CD46: variants seen among roughly 807,000 people sequenced by gnomAD.
CD46 encodes CD46 molecule.
CD46 carries 30 observed loss-of-function variants against 53.3 expected under a neutral mutation model. That is an observed-to-expected ratio of 0.56 (90% CI 0.42 to 0.76). The LOEUF (loss-of-function observed/expected upper bound fraction) is 0.76, where lower values mean the gene tolerates loss of function less well. Among genes scored for constraint, CD46 ranks in the 30% least tolerant of loss-of-function variants. The probability of loss-of-function intolerance (pLI) is 0.00; values close to 1 mark genes in which losing one functional copy is unlikely to be tolerated. For synonymous variants in CD46, 142 were observed against 152.0 expected, an observed-to-expected ratio of 0.93 and a Z score of 0.48; for missense variants, 409 against 463.0, an observed-to-expected ratio of 0.88 and a Z score of 1.07.
chr1:207,789,861 CTG>C (rs1329745334), intron 11 of CD46, among the ~76,000 whole-genome samples: 2 of 99,668 alleles, frequency 2.0e-5, no homozygotes, highest in Non-Finnish European at 3.6e-5. Flanking sequence ...TAGTGAGATG[CTG>C]TGTCTTGAAA....
At chr1:207,784,886 C>T (rs1659128410) in intron 9 of CD46, among the ~76,000 whole-genome samples, 185 bp from the exon 10 acceptor site, 1 of 152,154 alleles carries the variant, frequency 6.6e-6, no homozygotes, top group African/African-American at 2.4e-5. Context: ...GAAACTGCCT[C>T]CATGATTCAA....
intron 3 of CD46, 119 bp from the exon 4 acceptor site, chr1:207,759,520 G>T: frequency 1.5e-6 from 1 of 647,462 alleles, no homozygotes; most frequent in Non-Finnish European, 2.8e-6. Context: ...TGTTGTTTAA[G>T]AAACCACCCC....
chr1:207,791,446 G>A (rs1003818953), intron 12 of CD46, among the ~76,000 whole-genome samples: 11 of 152,186 alleles, frequency 7.2e-5, no homozygotes, highest in Admixed American at 2.6e-4. Context: ...CTGTGATACC[G>A]TGACAGTCAA....
chr1:207,792,198 C>G (rs1342330315), intron 12 of CD46, among the ~76,000 whole-genome samples: 2 of 152,014 alleles, frequency 1.3e-5, no homozygotes, highest in East Asian at 3.8e-4. Context: ...ATTGCTTGAA[C>G]CTGGGAGGAG....
chr1:207,785,650 G>T lies in CD46; in HGVS notation c.1050G>T (p.Pro350=). Residue 350 remains proline (P), a synonymous_variant, in exon 11 of 13, where the codon CCG becomes CCT. Transcript: ENST00000367042. ...GAGTTGCAGTAATTTGTGTTGTCCC[G>T]TACAGATATCTTCAAAGGAGGAAGA... ...VVGVAVICVV[P]YRYLQRRKKK... The T allele has an allele frequency of 6.2e-7, 1 of 1,610,496 alleles. No homozygotes were observed. Among genetic ancestry groups the T allele is most frequent in the Non-Finnish European group, 8.5e-7 (1 of 1,177,030 alleles).
At chr1:207,760,452 A>G (rs1049773319) in intron 4 of CD46, 5 of 152,374 alleles carry the variant, frequency 3.3e-5, no homozygotes, top group African/African-American at 1.2e-4. Context: ...TGAATCACCA[A>G]TTTAGAAAAT....
intron 9 of CD46, among the ~76,000 whole-genome samples, chr1:207,783,886 C>CT (rs1375506197): frequency 3.3e-5 from 5 of 152,144 alleles, no homozygotes; most frequent in African/African-American, 1.2e-4. Flanking sequence ...CACTTGATAA[C>CT]TGTTTATGAG....
intron 9 of CD46, among the ~76,000 whole-genome samples, chr1:207,783,911 G>T (rs762611490): frequency 1.3e-5 from 2 of 152,144 alleles, no homozygotes; most frequent in Non-Finnish European, 2.9e-5. Flanking sequence ...GAAGAGCAGA[G>T]TTGAACATAG....
chr1:207,775,308 C>T lies in CD46; in HGVS notation c.943+4946C>T, dbSNP rs1376809097. ...ATCTTTTTTCAAGGTTTTTACCTTC[C>T]TCGAGATGGGTTAGAACATCTTAGC... On this transcript the variant is annotated intron_variant, in intron 8 of 12. Coordinates refer to ENST00000367042, the MANE Select transcript of CD46 (RefSeq NM_172351.3). Among the ~76,000 whole-genome samples, 3 of 152,206 alleles carry T rather than the reference C, an allele frequency of 2.0e-5. No homozygotes were observed. The East Asian group carries it at 5.8e-4, about 29-fold the overall frequency.
intron 4 of CD46, chr1:207,760,520 C>G (rs1656060812): frequency 1.3e-5 from 2 of 152,204 alleles, no homozygotes; most frequent in Non-Finnish European, 2.9e-5. Context: ...AGCATATTTT[C>G]TCATTAATTG....
At chr1:207,756,362 A>C (rs1042912058) in intron 1 of CD46, among the ~76,000 whole-genome samples, 2 of 152,220 alleles carry the variant, frequency 1.3e-5, no homozygotes, top group East Asian at 1.9e-4. Flanking sequence ...TCACGTTATT[A>C]CCTGTCCTTT....
At position 207,756,565 on chromosome 1, in the gene CD46, A is replaced by T. The variant is rs142835742; in HGVS notation, c.98-449A>T. Among the ~76,000 whole-genome samples, 10 of 152,330 alleles carry T rather than the reference A, an allele frequency of 6.6e-5. No individual in the cohort carries two copies. The East Asian group carries it at 1.9e-3, about 29-fold the overall frequency. Reference sequence around the variant, plus strand: ...AAGAAGAACATGGTTCTTGACCCCCAGGAACTTGCCTTTTAAGAGAAGACA... The same window carrying T: ...AAGAAGAACATGGTTCTTGACCCCCTGGAACTTGCCTTTTAAGAGAAGACA... On this transcript the variant is annotated intron_variant, in intron 1 of 12. Transcript: ENST00000367042.
At chr1:207,758,177 T>C (rs1286439147) in intron 3 of CD46, among the ~76,000 whole-genome samples, 6 of 152,168 alleles carry the variant, frequency 3.9e-5, no homozygotes, top group African/African-American at 7.2e-5. Flanking sequence ...CTTTGTTCTG[T>C]AGGGTTTTGA....
chr1:207,777,060 C>T (rs992000049), intron 8 of CD46, among the ~76,000 whole-genome samples: 1 of 152,058 alleles, frequency 6.6e-6, no homozygotes, highest in African/African-American at 2.4e-5. Flanking sequence ...TTTGAGAGCT[C>T]ATTATGAATT....
chr1:207,772,522 T>TA (rs1657625880), intron 8 of CD46, among the ~76,000 whole-genome samples: 2 of 152,232 alleles, frequency 1.3e-5, no homozygotes, highest in Admixed American at 1.3e-4. Context: ...TTCGGTATGA[T>TA]ATTGGCTGTG....
rs774207160 is a variant in CD46, at chr1:207,752,169, C to T, written c.-44C>T. ...TCCCTGCTCGGCTGGCTCTCGGTTTCTCTGCTTTCCTCCGGAGAAATAACA... is the reference window on the plus strand; with the variant it reads ...TCCCTGCTCGGCTGGCTCTCGGTTTTTCTGCTTTCCTCCGGAGAAATAACA... On this transcript the variant is annotated 5_prime_UTR_variant, in exon 1 of 13. Transcript: ENST00000367042. This position sits in a 1 kb window ranked among gnomAD's most constrained non-coding sequence, Gnocchi z 4.1. 3.4e-5 allele frequency: 54 copies of T among 1,585,258 alleles called. No individual in the cohort carries two copies. The South Asian group carries it at 5.4e-4, about 16-fold the overall frequency.
Position 207,752,154 on chromosome 1 carries a change from G to T in CD46, c.-59G>T. 6.6e-7 allele frequency: 1 copy of T among 1,508,684 alleles called. No homozygotes were observed. The highest frequency in any genetic ancestry group is 9.2e-7 in the Non-Finnish European group (1 of 1,089,654). The allele number at this position is 1,508,684 out of a possible 1,614,324, so 93.5% of individuals were successfully genotyped here. A position where few individuals can be genotyped will look rare whatever the true frequency, so the allele number is the denominator to read the frequency against. On this transcript the variant is annotated 5_prime_UTR_variant, in exon 1 of 13. Coordinates refer to ENST00000367042, the MANE Select transcript of CD46 (RefSeq NM_172351.3). The surrounding 1 kb of genome is among the most constrained non-coding windows in gnomAD (Gnocchi z 4.1). Reference sequence around the variant, plus strand: ...GACCCAGAAGGGACTTCCCTGCTCGGCTGGCTCTCGGTTTCTCTGCTTTCC... The same window carrying T: ...GACCCAGAAGGGACTTCCCTGCTCGTCTGGCTCTCGGTTTCTCTGCTTTCC...
chr1:207,752,109 ATTG>A lies in CD46; in HGVS notation c.-100_-98del, dbSNP rs1434623514. On this transcript the variant is annotated 5_prime_UTR_variant, in exon 1 of 13. Transcript: ENST00000367042. This position sits in a 1 kb window ranked among gnomAD's most constrained non-coding sequence, Gnocchi z 4.1. ...GCACTGGATGCTTTGTGAGTTGGGG[ATTG>A]TTGCGTCCCATATCTGGACCCAGAA... 1.9e-6 allele frequency: 2 copies of A among 1,062,140 alleles called. No homozygotes were observed. Among genetic ancestry groups the A allele is most frequent in the African/African-American group, 1.5e-5 (1 of 64,522 alleles). 65.8% of individuals were successfully genotyped at this position (1,062,140 alleles called of 1,614,324 possible).
chr1:207,772,056 G>T (rs1332751411), intron 8 of CD46, among the ~76,000 whole-genome samples: 1 of 152,074 alleles, frequency 6.6e-6, no homozygotes, highest in African/African-American at 2.4e-5. Context: ...ATTTGTTTGT[G>T]TACTCTTTTA....
Sources: gnomAD v4.1 joint callset for allele counts (sites outside exome capture counted in the v4.1 genomes callset) on GRCh38, gnomAD v4.1.1 for gene constraint, Gnocchi (gnomAD v3.1) non-coding constraint, MANE v1.5 for transcripts, NCBI Gene and HGNC (gene_info 2026-07-23, HGNC 2026-07-21) for gene names.